Variants in UBOX5 observed in about 807,000 individuals in gnomAD.
UBOX5 encodes the protein RING finger protein 37.
Under a neutral mutation model 39.0 loss-of-function variants are expected in UBOX5, and 28 were observed. That is an observed-to-expected ratio of 0.72 (90% CI 0.53 to 0.98). The LOEUF (loss-of-function observed/expected upper bound fraction) is 0.98, where lower values mean the gene tolerates loss of function less well. UBOX5 is among the 50% of genes least tolerant of loss of function. UBOX5 has a pLI of 0.00. For synonymous variants in UBOX5, 283 were observed against 275.5 expected (o/e 1.03, Z -0.27); for missense variants, 585 against 674.4 (o/e 0.87, Z 1.47).
intron 1 of UBOX5, among the ~76,000 whole-genome samples, chr20:3,158,817 G>C (rs1395781859): frequency 6.6e-6 from 1 of 152,200 alleles, no homozygotes; most frequent in Non-Finnish European, 1.5e-5. Flanking sequence ...ACTATCCAAG[G>C]ACTTGCCCAG....
chr20:3,115,198 C>A, intron 4 of UBOX5, 107 bp downstream of exon 4: 1 of 1,393,520 alleles, frequency 7.2e-7, no homozygotes, highest in African/African-American at 1.5e-5. Flanking sequence ...GACGGGGAGG[C>A]TGGCCAGGCA....
intron 4 of UBOX5, 45 bp downstream of exon 4, chr20:3,115,260 A>T: frequency 6.4e-7 from 1 of 1,566,952 alleles, no homozygotes; most frequent in Non-Finnish European, 8.6e-7. Context: ...CAGAAAACAG[A>T]CCACCCATTC....
rs894665807 is a variant in UBOX5, at chr20:3,110,017, C to T, written c.*89G>A. On this transcript the variant is annotated 3_prime_UTR_variant, in exon 5 of 5. Transcript: ENST00000217173. ...GAGCAGGCAGCTCTGTGCCTGGGGCCTGGCCAGACCTCAGGGGTGCTGTGG... is the reference window on the plus strand; with the variant it reads ...GAGCAGGCAGCTCTGTGCCTGGGGCTTGGCCAGACCTCAGGGGTGCTGTGG... The T allele has an allele frequency of 7.2e-6, 11 of 1,518,478 alleles. No homozygotes were observed. The African/African-American group carries it at 1.5e-4, about 21-fold the overall frequency. The allele number at this position is 1,518,478 out of a possible 1,614,324, so 94.1% of individuals were successfully genotyped here.
rs2148622354 is a variant in UBOX5, at chr20:3,149,938, G to T, written c.-42+9828C>A. On this transcript the variant is annotated intron_variant, in intron 1 of 4. Transcript: ENST00000217173. The surrounding 1 kb of genome is among the most constrained non-coding windows in gnomAD (Gnocchi z 4.1). ...GGAGGCTGAGGCAGGAGAATCCCTT[G>T]AACCCAGGAGGCAGAGGTTGCGGTG... Among the ~76,000 whole-genome samples, 1 of 151,004 alleles carries T rather than the reference G, an allele frequency of 6.6e-6. No homozygotes were observed. Among genetic ancestry groups the T allele is most frequent in the South Asian group, 2.1e-4 (1 of 4,800 alleles).
intron 3 of UBOX5, among the ~76,000 whole-genome samples, chr20:3,115,840 T>C (rs569565035): frequency 1.8e-4 from 26 of 142,598 alleles, no homozygotes; most frequent in South Asian, 9.2e-4. Context: ...CTCAGCTCAC[T>C]GCAACCTTCG....
At position 3,109,826 on chromosome 20, in the gene UBOX5, T is replaced by G. The variant is rs1175737889; in HGVS notation, c.*280A>C. The G allele has an allele frequency of 9.9e-6, 5 of 505,032 alleles. No homozygotes were observed. 31.3% of individuals were successfully genotyped at this position (505,032 alleles called of 1,614,324 possible). ...GGGGGGCCCTCAGCAGGGGTCTTCC[T>G]GCCTAGGGTGGGGCTGGCTCCAGTG... On this transcript the variant is annotated 3_prime_UTR_variant, in exon 5 of 5. Coordinates refer to ENST00000217173, the MANE Select transcript of UBOX5 (RefSeq NM_014948.4).
intron 3 of UBOX5, among the ~76,000 whole-genome samples, chr20:3,117,454 C>T (rs1173472209): frequency 2.0e-5 from 3 of 152,122 alleles, no homozygotes; most frequent in African/African-American, 4.8e-5. Flanking sequence ...GAGGCCAAGG[C>T]GGGTGGATTG....
At chr20:3,158,735 A>G (rs1161915615) in intron 1 of UBOX5, among the ~76,000 whole-genome samples, 1 of 152,144 alleles carries the variant, frequency 6.6e-6, no homozygotes, top group Non-Finnish European at 1.5e-5. Flanking sequence ...TGACCTCCCA[A>G]AGTGCTGGGA....
intron 1 of UBOX5, chr20:3,151,732 T>C (rs1265112731): frequency 6.6e-6 from 1 of 152,094 alleles, no homozygotes; most frequent in Non-Finnish European, 1.5e-5. Flanking sequence ...ATTTAGATGA[T>C]AATTGAAGAT....
intron 1 of UBOX5, among the ~76,000 whole-genome samples, chr20:3,131,984 G>A (rs2066432239): frequency 7.2e-6 from 1 of 139,606 alleles, no homozygotes; most frequent in African/African-American, 2.7e-5. Context: ...CTCCAGCCTG[G>A]GCAATAGAGT....
intron 1 of UBOX5, among the ~76,000 whole-genome samples, chr20:3,157,002 C>A (rs2066692479): frequency 2.0e-5 from 3 of 152,134 alleles, no homozygotes; most frequent in Admixed American, 1.3e-4. Context: ...TGGCTCATGA[C>A]CATAATCCCA....
chr20:3,149,196 G>C lies in UBOX5; in HGVS notation c.-42+10570C>G. ...GGAGGTGTTCCACAAAAACTGCCTG[G>C]AAATCTTCAGCATATCACAAGAGCC... On this transcript the variant is annotated intron_variant, in intron 1 of 4. Transcript: ENST00000217173. This position sits in a 1 kb window ranked among gnomAD's most constrained non-coding sequence, Gnocchi z 4.1. 1.0e-6 allele frequency: 1 copy of C among 995,566 alleles called. No homozygotes were observed. Among genetic ancestry groups the C allele is most frequent in the Non-Finnish European group, 1.5e-6 (1 of 683,984 alleles). 61.7% of individuals were successfully genotyped at this position (995,566 alleles called of 1,614,324 possible).
intron 1 of UBOX5, among the ~76,000 whole-genome samples, chr20:3,144,247 T>C (rs935937700): frequency 2.0e-5 from 3 of 152,086 alleles, no homozygotes; most frequent in Non-Finnish European, 2.9e-5. Flanking sequence ...AATAACAAAG[T>C]TGGAGGACTC....
intron 1 of UBOX5, among the ~76,000 whole-genome samples, chr20:3,151,068 TTGTG>T (rs142154039): frequency 6.7e-6 from 1 of 149,358 alleles, no homozygotes; most frequent in African/African-American, 2.5e-5. Flanking sequence ...GTGTGTGTGT[TTGTG>T]TGTGTGTGTG....
chr20:3,145,545 T>C (rs753610485), intron 1 of UBOX5, among the ~76,000 whole-genome samples: 1 of 151,286 alleles, frequency 6.6e-6, no homozygotes, highest in South Asian at 2.1e-4. Flanking sequence ...GCTCAACAGA[T>C]CCTCCCACCC....
At chr20:3,147,139 G>C in intron 1 of UBOX5, 2 of 1,613,692 alleles carry the variant, frequency 1.2e-6, no homozygotes, top group South Asian at 2.2e-5. Context: ...ACTCAGTTTT[G>C]CCCTGGAAAT....
chr20:3,128,155 G>A (rs866971883), intron 1 of UBOX5, among the ~76,000 whole-genome samples: 15 of 152,204 alleles, frequency 9.9e-5, no homozygotes, highest in Admixed American at 2.6e-4. Context: ...GATGCATTGT[G>A]TCTACAAATA....
intron 1 of UBOX5, among the ~76,000 whole-genome samples, chr20:3,138,280 A>C (rs1026466039): frequency 6.6e-6 from 1 of 152,104 alleles, no homozygotes; most frequent in Non-Finnish European, 1.5e-5. Context: ...GTCTCAAAAA[A>C]AAAAAAAAAA....
rs988784174 is a variant in UBOX5 at position 3,107,823 on chromosome 20, G to A, written c.*2283C>T. The A allele has an allele frequency of 4.6e-5, 7 of 152,256 alleles. No individual in the cohort carries two copies. Among genetic ancestry groups the A allele is most frequent in the Admixed American group, 3.9e-4 (6 of 15,286 alleles). 9.4% of individuals were successfully genotyped at this position (152,256 alleles called of 1,614,324 possible). ...GGGGCAGGAGCCTGTTAGAAATGCA[G>A]ATCCCCAGGGACCTGCAGCGGTCTG... On this transcript the variant is annotated 3_prime_UTR_variant, in exon 5 of 5. Transcript: ENST00000217173. The surrounding 1 kb of genome is among the most constrained non-coding windows in gnomAD (Gnocchi z 5.0).
Sources: gnomAD v4.1 joint callset for allele counts (sites outside exome capture counted in the v4.1 genomes callset) on GRCh38, gnomAD v4.1.1 for gene constraint, Gnocchi (gnomAD v3.1) non-coding constraint, MANE v1.5 for transcripts, NCBI Gene and HGNC (gene_info 2026-07-23, HGNC 2026-07-21) for gene names.